The following NPAS1 variants were observed in gnomAD, a reference collection of about 807,000 sequenced individuals.
The protein encoded by NPAS1 is neuronal PAS domain protein 1.
NPAS1 carries 29 observed loss-of-function variants against 49.2 expected under a neutral mutation model. The ratio of observed to expected loss-of-function variants is 0.59; its 90% confidence interval spans 0.44 to 0.80. The LOEUF (loss-of-function observed/expected upper bound fraction) is 0.80. Among genes scored for constraint, NPAS1 ranks in the 30% least tolerant of loss-of-function variants. NPAS1 has a pLI of 0.00. For synonymous variants in NPAS1, 408 were observed against 380.4 expected (o/e 1.07, Z -0.84); for missense variants, 825 against 835.5 (o/e 0.99, Z 0.15).
intron 3 of NPAS1, among the ~76,000 whole-genome samples, chr19:47,030,842 A>T (rs2056901101): frequency 6.6e-6 from 1 of 151,732 alleles, no homozygotes; most frequent in African/African-American, 2.4e-5. Context: ...ATGGGGTTTC[A>T]TAATGTTGGC....
rs764759675 is a variant in NPAS1 at position 47,045,281 on chromosome 19, G to T, written c.1403G>T (p.Gly468Val). 6.2e-7 allele frequency: 1 copy of T among 1,614,046 alleles called. No individual in the cohort carries two copies. The change falls in exon 12 of 12, where the codon GGC becomes GTC. Residue 468 changes from glycine to valine, a missense_variant. By Grantham distance (109) the Gly-to-Val change is moderately radical (BLOSUM62 -3). Transcript: ENST00000602212. Reference sequence around the variant, plus strand: ...GGCAAACGCATCAAAGTGGAGCCCGGCCCGAGGGAAACCAAAGGCTCCGAG... The same window carrying T: ...GGCAAACGCATCAAAGTGGAGCCCGTCCCGAGGGAAACCAAAGGCTCCGAG... ...TQGKRIKVEPGPRETKGSEDS... is the reference protein window; with the variant it reads ...TQGKRIKVEPVPRETKGSEDS...
chr19:47,023,383 C>T (rs1164840544), intron 3 of NPAS1, among the ~76,000 whole-genome samples: 1 of 152,150 alleles, frequency 6.6e-6, no homozygotes, highest in Non-Finnish European at 1.5e-5. Flanking sequence ...ACTGACGTGG[C>T]AGAGCATGGA....
At chr19:47,025,340 A>G (rs8108476) in intron 3 of NPAS1, among the ~76,000 whole-genome samples, 41,808 of 130,690 alleles carry the variant, frequency 0.32, 11,916 homozygotes, top group South Asian at 0.5. Flanking sequence ...GTGCAATGGC[A>G]TGATCTCGGC....
At chr19:47,025,824 C>T (rs113636644) in intron 3 of NPAS1, among the ~76,000 whole-genome samples, 8,770 of 152,324 alleles carry the variant, frequency 0.058, 355 homozygotes, top group Non-Finnish European at 0.089. Context: ...ATTTGCCAAC[C>T]TTGGCCTCCC....
intron 3 of NPAS1, 152 bp from the exon 4 acceptor site, chr19:47,032,126 C>G (rs1037422856): frequency 1.6e-6 from 1 of 640,998 alleles, no homozygotes; most frequent in Non-Finnish European, 2.7e-6. Context: ...GTGTGTCCCA[C>G]GCCCCAGGTC....
intron 6 of NPAS1, among the ~76,000 whole-genome samples, chr19:47,036,458 G>A (rs1314528000): frequency 6.6e-6 from 1 of 152,200 alleles, no homozygotes; most frequent in African/African-American, 2.4e-5. Context: ...AATTACGTTA[G>A]GGCCGGGCGC....
In NPAS1 at chr19:47,025,716, C is replaced by G. The variant is rs114149744; in HGVS notation, c.358+3869C>G. ...TCAGCCTTCCAAGTAGCCAGGACTA[C>G]AGGCACACGCCACCACGCCTAGCTA... is the stretch of plus-strand genomic sequence containing the variant. On this transcript the variant is annotated intron_variant, in intron 3 of 11. Transcript: ENST00000602212. Among the ~76,000 whole-genome samples, 469 of 152,002 alleles carry G rather than the reference C, an allele frequency of 3.1e-3. 5 individuals are homozygous for G. Among genetic ancestry groups the G allele is most frequent in the African/African-American group, 0.011 (449 of 41,448 alleles).
rs547669908 is a variant in NPAS1 at position 47,043,046 on chromosome 19, C to T, written c.1312+142C>T. 245 of 560,298 alleles carry T rather than the reference C, an allele frequency of 4.4e-4. 2 individuals are homozygous for T. The African/African-American group carries it at 4.5e-3, about 10-fold the overall frequency. 34.7% of individuals were successfully genotyped at this position (560,298 alleles called of 1,614,324 possible). On this transcript the variant is annotated intron_variant, in intron 11 of 11. Transcript: ENST00000602212. ...ATCCAGGCCGGTGCGGTGGCTCACG[C>T]CTGTAATCCCAGCACTTTGGGAGGC... is the stretch of plus-strand genomic sequence containing the variant.
intron 1 of NPAS1, among the ~76,000 whole-genome samples, chr19:47,020,433 G>A (rs2056831498): frequency 6.6e-6 from 1 of 151,954 alleles, no homozygotes; most frequent in Admixed American, 6.6e-5. Context: ...TCGTGGGGAT[G>A]TGGCGGTCCG....
chr19:47,026,733 T>C (rs1280405891), intron 3 of NPAS1, among the ~76,000 whole-genome samples: 2 of 152,066 alleles, frequency 1.3e-5, no homozygotes, highest in Admixed American at 1.3e-4. Flanking sequence ...GGCAGGTGGA[T>C]CACCTGAGGT....
intron 3 of NPAS1, among the ~76,000 whole-genome samples, chr19:47,024,159 C>T (rs1001654763): frequency 2.0e-5 from 3 of 151,946 alleles, no homozygotes; most frequent in East Asian, 1.9e-4. Flanking sequence ...TGGTGGCACC[C>T]GCCTGTAGTC....
At chr19:47,031,725 T>G (rs928951242) in intron 3 of NPAS1, among the ~76,000 whole-genome samples, 16 of 150,904 alleles carry the variant, frequency 1.1e-4, no homozygotes, top group Non-Finnish European at 2.2e-4. Context: ...GAGATGGGGA[T>G]CCAACATATT....
Position 47,040,544 on chromosome 19 carries a change from G to A in NPAS1, c.1063G>A (p.Val355Met), listed in dbSNP as rs767622139. The change falls in exon 9 of 12, where the codon GTG becomes ATG. Residue 355 changes from valine (V) to methionine (M), a missense_variant. Transcript: ENST00000602212. ...QDATRIRQSH[V>M]DLLDKGQVMT... ...CGCCACGAGGATCCGCCAGAGCCAC[G>A]TGGACTGTGAGACCCACCTCCACCC... is the stretch of plus-strand genomic sequence containing the variant. The A allele has an allele frequency of 3.3e-5, 52 of 1,581,078 alleles. No homozygotes were observed. Among genetic ancestry groups the A allele is most frequent in the South Asian group, 1.3e-4 (11 of 86,660 alleles).
At position 47,019,915 on chromosome 19, in the gene NPAS1, T is replaced by G. The variant is rs2056827856; in HGVS notation, c.-125T>G. 1 of 383,784 alleles carries G rather than the reference T, an allele frequency of 2.6e-6. No individual in the cohort carries two copies. Among genetic ancestry groups the G allele is most frequent in the Non-Finnish European group, 4.6e-6 (1 of 216,476 alleles). 23.8% of individuals were successfully genotyped at this position (383,784 alleles called of 1,614,324 possible). A position where few individuals can be genotyped will look rare whatever the true frequency, so the allele number is the denominator to read the frequency against. On this transcript the variant is annotated 5_prime_UTR_variant, in exon 1 of 12. Transcript: ENST00000602212. ...CCGCGCGCCCCGGGGTCTATGGAGCTGCCCCTCCGCGCCGCCCGGCCGGCC... is the reference window on the plus strand; with the variant it reads ...CCGCGCGCCCCGGGGTCTATGGAGCGGCCCCTCCGCGCCGCCCGGCCGGCC...
chr19:47,045,277 C>A lies in NPAS1; in HGVS notation c.1399C>A (p.Pro467Thr). The A allele has an allele frequency of 6.2e-7, 1 of 1,614,060 alleles. No individual in the cohort carries two copies. The highest frequency in any genetic ancestry group is 1.1e-5 in the South Asian group (1 of 91,078). The change falls in exon 12 of 12, where the codon CCC (proline) becomes ACC (threonine). Residue 467 changes from proline to threonine, a missense_variant. Physicochemically the swap from Pro to Thr is conservative, Grantham distance 38 (BLOSUM62 -1). Transcript: ENST00000602212. Reference protein sequence around the residue: ...QTQGKRIKVEPGPRETKGSED... With the variant: ...QTQGKRIKVETGPRETKGSED... ...CCAGGGCAAACGCATCAAAGTGGAG[C>A]CCGGCCCGAGGGAAACCAAAGGCTC... is the stretch of plus-strand genomic sequence containing the variant.
chr19:47,024,069 C>T (rs1011215080), intron 3 of NPAS1, among the ~76,000 whole-genome samples: 1 of 152,032 alleles, frequency 6.6e-6, no homozygotes, highest in African/African-American at 2.4e-5. Flanking sequence ...CACACCACTG[C>T]ACTCCAGACT....
Position 47,021,780 on chromosome 19 carries a change from G to A in NPAS1, c.291G>A (p.Leu97=). The change falls in exon 3 of 12, where the codon CTG becomes CTA. Residue 97 remains leucine, a synonymous_variant. Coordinates refer to ENST00000602212, the MANE Select transcript of NPAS1 (RefSeq NM_002517.4). This position sits in a 1 kb window ranked among gnomAD's most constrained non-coding sequence, Gnocchi z 5.7. ...IVRLSVTYLR[L]RRFAALGAPP... Reference sequence around the variant, plus strand: ...GCCTCAGCGTCACCTACCTCCGCCTGCGCCGGTTCGCCGCGCTGGGGGCGC... The same window carrying A: ...GCCTCAGCGTCACCTACCTCCGCCTACGCCGGTTCGCCGCGCTGGGGGCGC... 6.5e-7 allele frequency: 1 copy of A among 1,533,756 alleles called. No individual in the cohort carries two copies.
intron 1 of NPAS1, among the ~76,000 whole-genome samples, chr19:47,020,629 G>T (rs1338787183): frequency 6.6e-6 from 1 of 151,942 alleles, no homozygotes; most frequent in Non-Finnish European, 1.5e-5. Context: ...GGGCTGGGGC[G>T]TGCGTGCCTG....
chr19:47,023,915 G>A (rs1599892592), intron 3 of NPAS1, among the ~76,000 whole-genome samples: 1 of 152,052 alleles, frequency 6.6e-6, no homozygotes, highest in Non-Finnish European at 1.5e-5. Context: ...GACCATCCTG[G>A]CCAACATGGT....
Sources: allele counts gnomAD v4.1 joint callset (sites outside exome capture counted in the v4.1 genomes callset), GRCh38; gene constraint gnomAD v4.1.1; non-coding constraint Gnocchi (gnomAD v3.1); transcripts MANE v1.5; gene names NCBI Gene and HGNC (gene_info 2026-07-23, HGNC 2026-07-21).